CNTN3: variants seen among roughly 807,000 people sequenced by gnomAD.
CNTN3 encodes contactin 3, also known as contactin-3.
CNTN3 carries 60 observed loss-of-function variants against 119.1 expected under a neutral mutation model. That is an observed-to-expected ratio of 0.50 (90% CI 0.41 to 0.62). CNTN3 has a LOEUF of 0.62. Among genes scored for constraint, CNTN3 ranks in the 20% least tolerant of loss-of-function variants. The pLI, the probability that CNTN3 is intolerant of heterozygous loss-of-function variation, is 0.00. For missense variants in CNTN3, 1,101 were observed against 1,242.4 expected, an observed-to-expected ratio of 0.89 and a Z score of 1.71; for synonymous variants, 450 against 438.7, an observed-to-expected ratio of 1.03 and a Z score of -0.32.
At chr3:74,451,551 G>A (rs963391318) in intron 4 of CNTN3, among the ~76,000 whole-genome samples, 18 of 152,118 alleles carry the variant, frequency 1.2e-4, no homozygotes, top group Non-Finnish European at 2.1e-4. Context: ...GGCTTTTGTT[G>A]CCATTGCTTT....
chr3:74,483,121 C>CA (rs1702792118), intron 4 of CNTN3, among the ~76,000 whole-genome samples: 1 of 151,904 alleles, frequency 6.6e-6, no homozygotes, highest in African/African-American at 2.4e-5. Context: ...CAGAACAAAA[C>CA]AAAAAATATA....
intron 2 of CNTN3, among the ~76,000 whole-genome samples, chr3:74,510,029 A>AAGTTTT (rs1445277793): frequency 5.6e-4 from 48 of 85,248 alleles, no homozygotes; most frequent in Non-Finnish European, 1.0e-3. Context: ...ACATATATAT[A>AAGTTTT]CATATATATA....
At chr3:74,590,123 T>A (rs1443984716) in intron 1 of CNTN3, among the ~76,000 whole-genome samples, 1 of 151,302 alleles carries the variant, frequency 6.6e-6, no homozygotes, top group Non-Finnish European at 1.5e-5. Context: ...AAAAAAAGTA[T>A]AATAATAATA....
Position 74,577,460 on chromosome 3 carries a change from T to C in CNTN3, c.-81+36931A>G, listed in dbSNP as rs74539688. On this transcript the variant is annotated intron_variant, in intron 1 of 22. Coordinates refer to ENST00000263665, the MANE Select transcript of CNTN3 (RefSeq NM_020872.3). Reference sequence around the variant, plus strand: ...AAAAAGAATTAGAGTACGTGTATGTTACTGAAATGACCTCAAACCCAAATA... The same window carrying C: ...AAAAAGAATTAGAGTACGTGTATGTCACTGAAATGACCTCAAACCCAAATA... 8.3e-3 allele frequency among the ~76,000 whole-genome samples: 1,268 copies of C among 152,234 alleles called. 15 individuals are homozygous for C. Among genetic ancestry groups the C allele is most frequent in the African/African-American group, 0.029 (1,203 of 41,558 alleles).
At chr3:74,333,653 G>A (rs560913887) in intron 13 of CNTN3, among the ~76,000 whole-genome samples, 2 of 152,012 alleles carry the variant, frequency 1.3e-5, no homozygotes, top group Non-Finnish European at 2.9e-5. Context: ...TCCACGATAA[G>A]GCAATTTCCA....
intron 13 of CNTN3, among the ~76,000 whole-genome samples, chr3:74,329,737 A>G (rs1416821038): frequency 1.3e-5 from 2 of 152,224 alleles, no homozygotes; most frequent in Admixed American, 6.5e-5. Flanking sequence ...TTTAAAAGTA[A>G]GGAAACAAAG....
In CNTN3 at chr3:74,289,746, A is replaced by G. The variant is rs532933125; in HGVS notation, c.2518-4255T>C. Among the ~76,000 whole-genome samples the G allele has an allele frequency of 4.6e-5, 7 of 152,338 alleles. No individual in the cohort carries two copies. In the East Asian group the frequency reaches 1.2e-3, roughly 25 times the overall value. On this transcript the variant is annotated intron_variant, in intron 19 of 22. Transcript: ENST00000263665. ...TCGAACAACTTGCTCAAGGCCATAC[A>G]GCAACAGGGTAGCAGAGCCCAAACT...
intron 11 of CNTN3, among the ~76,000 whole-genome samples, chr3:74,352,362 G>C (rs1351232947): frequency 1.3e-5 from 2 of 152,134 alleles, no homozygotes; most frequent in African/African-American, 4.8e-5. Flanking sequence ...AGACCATGTG[G>C]CAACAGTCTC....
intron 1 of CNTN3, among the ~76,000 whole-genome samples, chr3:74,546,464 G>C (rs1040174645): frequency 2.6e-5 from 4 of 152,174 alleles, no homozygotes; most frequent in Non-Finnish European, 5.9e-5. Flanking sequence ...CCTCAATGTG[G>C]GTGGGCACAA....
At chr3:74,432,625 C>T (rs1387464342) in intron 4 of CNTN3, among the ~76,000 whole-genome samples, 2 of 152,190 alleles carry the variant, frequency 1.3e-5, no homozygotes, top group South Asian at 2.1e-4. Context: ...AATGACCACA[C>T]CTTTCTTCCT....
chr3:74,264,259 T>C lies in CNTN3; in HGVS notation c.*142A>G, dbSNP rs984731469. 2.3e-6 allele frequency: 1 copy of C among 441,396 alleles called. No individual in the cohort carries two copies. 27.3% of individuals were successfully genotyped at this position (441,396 alleles called of 1,614,324 possible). On this transcript the variant is annotated 3_prime_UTR_variant, in exon 23 of 23. Transcript: ENST00000263665. The stretch of plus-strand genomic sequence containing the variant: ...CCCCTAAAAGGATTTACTGTTTTTT[T>C]AATTATATTCATATTTACCTATAAT...
At chr3:74,529,294 T>C (rs958377559) in intron 1 of CNTN3, among the ~76,000 whole-genome samples, 2 of 151,910 alleles carry the variant, frequency 1.3e-5, no homozygotes, top group Non-Finnish European at 2.9e-5. Flanking sequence ...CACGTTAAAA[T>C]ATTTCAAACA....
chr3:74,367,427 T>C (rs1308232345), intron 8 of CNTN3, among the ~76,000 whole-genome samples: 1 of 152,084 alleles, frequency 6.6e-6, no homozygotes, highest in African/African-American at 2.4e-5. Flanking sequence ...ACATTGTCTA[T>C]AGAAACATGA....
At chr3:74,542,266 GA>G (rs1456192993) in intron 1 of CNTN3, among the ~76,000 whole-genome samples, 2 of 152,112 alleles carry the variant, frequency 1.3e-5, no homozygotes, top group Non-Finnish European at 2.9e-5. Flanking sequence ...CTTCAGAGGT[GA>G]AAAGGGGCTT....
chr3:74,298,234 C>A, intron 17 of CNTN3, 43 bp from the exon 18 acceptor site: 1 of 1,272,770 alleles, frequency 7.9e-7, no homozygotes, highest in Non-Finnish European at 1.1e-6. Flanking sequence ...CACATAAGGG[C>A]AAGGCAAAAA....
chr3:74,350,366 C>G (rs1304809955), intron 11 of CNTN3, among the ~76,000 whole-genome samples: 2 of 152,102 alleles, frequency 1.3e-5, no homozygotes. Context: ...ATTAAAACCA[C>G]AATGAGATAC....
At chr3:74,348,491 A>G (rs1250405339) in intron 11 of CNTN3, among the ~76,000 whole-genome samples, 2 of 152,106 alleles carry the variant, frequency 1.3e-5, no homozygotes, top group African/African-American at 4.8e-5. Context: ...TAGCTTGAAC[A>G]TTCATTCTTA....
intron 5 of CNTN3, among the ~76,000 whole-genome samples, chr3:74,420,050 A>G (rs994671005): frequency 6.6e-6 from 1 of 152,176 alleles, no homozygotes; most frequent in African/African-American, 2.4e-5. Context: ...TTTTCTGACA[A>G]ACTTTGGGAG....
intron 11 of CNTN3, among the ~76,000 whole-genome samples, chr3:74,350,681 G>C (rs1049609022): frequency 2.6e-4 from 40 of 152,196 alleles, no homozygotes; most frequent in African/African-American, 8.7e-4. Context: ...AGTTGCCCAT[G>C]AACAGTGTAT....
Sources: allele counts gnomAD v4.1 joint callset (sites outside exome capture counted in the v4.1 genomes callset), GRCh38; gene constraint gnomAD v4.1.1; transcripts MANE v1.5; gene names NCBI Gene and HGNC (gene_info 2026-07-23, HGNC 2026-07-21).